Variants in HMGB4 observed in about 807,000 individuals in gnomAD.
HMGB4 encodes the protein high mobility group protein B4.
For missense variants in HMGB4, 217 were observed against 220.4 expected (o/e 0.98, Z 0.10); for synonymous variants, 82 against 84.9 (o/e 0.97, Z 0.19).
At chr1:33,861,802 C>T (rs575745245), upstream of HMGB4, among the ~76,000 whole-genome samples, 84 of 152,274 alleles carry the variant, frequency 5.5e-4, 1 homozygote, top group South Asian at 9.3e-3. Context: ...AATGCCTGTA[C>T]TGGAAGGAGA....
rs1245148865 is a variant in HMGB4 at position 33,864,493 on chromosome 1, T to C, written c.302T>C (p.Leu101Pro). ...QEPRRPPSSF[L>P]LFCQDHYAQL... ...CCCAGACGGCCTCCATCATCCTTCC[T>C]ACTCTTCTGCCAAGACCACTATGCT... The change falls in exon 1 of 1, where the codon CTA becomes CCA. Residue 101 changes from leucine to proline, a missense_variant. Physicochemically the swap from Leu to Pro is moderately conservative, Grantham distance 98. Coordinates refer to ENST00000681531, the MANE Select transcript of HMGB4 (RefSeq NM_001379301.1). 1.2e-6 allele frequency: 2 copies of C among 1,613,704 alleles called. No homozygotes were observed. The highest frequency in any genetic ancestry group is 2.2e-5 in the East Asian group (1 of 44,850).
upstream of HMGB4, chr1:33,860,610 C>G (rs1011071109): frequency 6.6e-6 from 1 of 152,158 alleles, no homozygotes; most frequent in African/African-American, 2.4e-5. Flanking sequence ...CCTATCATTT[C>G]AATTTGTTTA....
At chr1:33,862,088 C>A (rs1284177311), upstream of HMGB4, 2 of 152,210 alleles carry the variant, frequency 1.3e-5, no homozygotes, top group Non-Finnish European at 2.9e-5. Flanking sequence ...GGAAGGGCAA[C>A]TCTTAGATAC....
In HMGB4 at chr1:33,864,311, G is replaced by A. The variant is rs534711093; in HGVS notation, c.120G>A (p.Glu40=). 3 of 1,613,852 alleles carry A rather than the reference G, an allele frequency of 1.9e-6. No individual in the cohort carries two copies. In the African/African-American group the frequency reaches 4.0e-5, roughly 22 times the overall value. The change falls in exon 1 of 1, where the codon GAG becomes GAA. Residue 40 remains glutamate (E), a synonymous_variant. Coordinates refer to ENST00000681531, the MANE Select transcript of HMGB4 (RefSeq NM_001379301.1). ...CAAATACCTATGTTGGCTTTAAAGA[G>A]TTCTCTAGAAAGTGTTCGGAAAAAT... ...QQPNTYVGFK[E]FSRKCSEKWR...
At chr1:33,862,442 T>C (rs1639610757), upstream of HMGB4, 1 of 149,644 alleles carries the variant, frequency 6.7e-6, no homozygotes, top group Admixed American at 6.7e-5. Flanking sequence ...TTCATTAAAG[T>C]TCTTCCTCAT....
upstream of HMGB4, among the ~76,000 whole-genome samples, chr1:33,861,938 C>T (rs139610945): frequency 0.017 from 823 of 47,606 alleles, 6 homozygotes; most frequent in African/African-American, 0.14. Context: ...TTTCCTCCAT[C>T]TCTGATCTCC....
chr1:33,862,273 T>C (rs1639576296), upstream of HMGB4: 1 of 151,678 alleles, frequency 6.6e-6, no homozygotes, highest in South Asian at 2.1e-4. Context: ...TCCCGATAGC[T>C]ATTGTGGGTT....
At chr1:33,863,696 T>G (rs2125121408), upstream of HMGB4, 1 of 156,930 alleles carries the variant, frequency 6.4e-6, no homozygotes. Context: ...CCTCCCCATG[T>G]TCATTATGCT....
chr1:33,862,413 T>C (rs1457162044), upstream of HMGB4: 1 of 119,122 alleles, frequency 8.4e-6, no homozygotes, highest in Non-Finnish European at 1.8e-5. Flanking sequence ...CTGAGCAGAG[T>C]CTGATGAATA....
chr1:33,864,437 G>A lies in HMGB4; in HGVS notation c.246G>A (p.Arg82=), dbSNP rs1252270586. The change falls in exon 1 of 1, where the codon AGG becomes AGA. Residue 82 remains arginine (R), a synonymous_variant. Coordinates refer to ENST00000681531, the MANE Select transcript of HMGB4 (RefSeq NM_001379301.1). ...AAATGATGAATTATGTTGGCAAGAG[G>A]AAGAAACGGAGAAAGCGGGATCCCC... ...QEEMMNYVGK[R]KKRRKRDPQE... The A allele has an allele frequency of 3.7e-6, 6 of 1,613,542 alleles. No individual in the cohort carries two copies. The highest frequency in any genetic ancestry group is 1.6e-4 in the Middle Eastern group (1 of 6,082).
chr1:33,864,075 T>C, upstream of HMGB4: 2 of 965,222 alleles, frequency 2.1e-6, no homozygotes, highest in Non-Finnish European at 3.1e-6. Context: ...ACTACAGCTC[T>C]TGCAGACAGA....
In HMGB4 at chr1:33,864,753, T is replaced by C. The variant is rs1266001592; in HGVS notation, c.*1T>C. 6.3e-7 allele frequency: 1 copy of C among 1,595,736 alleles called. No individual in the cohort carries two copies. The highest frequency in any genetic ancestry group is 1.8e-5 in the Admixed American group (1 of 56,746). On this transcript the variant is annotated 3_prime_UTR_variant, in exon 1 of 1. Coordinates refer to ENST00000681531, the MANE Select transcript of HMGB4 (RefSeq NM_001379301.1). Reference sequence around the variant, plus strand: ...AGGGAAAAGAGTCAGGCAGAGCTGATGGATCCAGTTTGAAAAAACAAAATG... The same window carrying C: ...AGGGAAAAGAGTCAGGCAGAGCTGACGGATCCAGTTTGAAAAAACAAAATG...
In HMGB4 at chr1:33,864,285, C is replaced by A; in HGVS notation, c.94C>A (p.Pro32Thr). Residue 32 changes from proline (P) to threonine (T), a missense_variant, in exon 1 of 1, where the codon CCA becomes ACA. By Grantham distance (38) the Pro-to-Thr change is conservative. Coordinates refer to ENST00000681531, the MANE Select transcript of HMGB4 (RefSeq NM_001379301.1). ...CAGAAACAAATTCAAGGAGCAGCAG[C>A]CAAATACCTATGTTGGCTTTAAAGA... ...NYRNKFKEQQPNTYVGFKEFS... is the reference protein window; with the variant it reads ...NYRNKFKEQQTNTYVGFKEFS... 6.2e-7 allele frequency: 1 copy of A among 1,613,184 alleles called. No homozygotes were observed. Among genetic ancestry groups the A allele is most frequent in the Non-Finnish European group, 8.5e-7 (1 of 1,179,280 alleles).
chr1:33,864,084 G>GA lies in HMGB4; in HGVS notation c.-103dup. Reference sequence around the variant, plus strand: ...GCCCTGACTACAGCTCTTGCAGACAGAAAAATTCGCTGCAAGTACAGCACT... The same window carrying GA: ...GCCCTGACTACAGCTCTTGCAGACAGAAAAAATTCGCTGCAAGTACAGCACT... On this transcript the variant is annotated 5_prime_UTR_variant, in exon 1 of 1. Transcript: ENST00000681531. The GA allele has an allele frequency of 9.1e-7, 1 of 1,097,858 alleles. No homozygotes were observed. The highest frequency in any genetic ancestry group is 1.6e-5 in the African/African-American group (1 of 63,540). 68.0% of individuals were successfully genotyped at this position (1,097,858 alleles called of 1,614,324 possible).
In HMGB4 at chr1:33,864,397, C is replaced by A. The variant is rs1207186342; in HGVS notation, c.206C>A (p.Ala69Asp). 1 of 1,614,094 alleles carries A rather than the reference C, an allele frequency of 6.2e-7. No homozygotes were observed. Among genetic ancestry groups the A allele is most frequent in the Non-Finnish European group, 8.5e-7 (1 of 1,180,030 alleles). The change falls in exon 1 of 1, where the codon GCC becomes GAC. Residue 69 changes from alanine (A) to aspartate (D), a missense_variant. Transcript: ENST00000681531. ...GAAGCCCTGGCCAAACTCGACAAAGCCCGATACCAGGAAGAAATGATGAAT... is the reference window on the plus strand; with the variant it reads ...GAAGCCCTGGCCAAACTCGACAAAGACCGATACCAGGAAGAAATGATGAAT... ...KYEALAKLDK[A>D]RYQEEMMNYV...
At chr1:33,861,743 A>T (rs1202791628), upstream of HMGB4, among the ~76,000 whole-genome samples, 1 of 152,196 alleles carries the variant, frequency 6.6e-6, no homozygotes, top group African/African-American at 2.4e-5. Flanking sequence ...AGAGGCTCAT[A>T]AAAGTAGAGT....
chr1:33,862,998 C>T (rs1639662022), upstream of HMGB4: 1 of 152,198 alleles, frequency 6.6e-6, no homozygotes, highest in South Asian at 2.1e-4. Flanking sequence ...GCCCTGGCAA[C>T]AGCTCTGTGC....
chr1:33,862,139 C>T (rs1364201232), upstream of HMGB4: 1 of 152,170 alleles, frequency 6.6e-6, no homozygotes, highest in African/African-American at 2.4e-5. Context: ...ATTTATTTAC[C>T]TTTCCTAAGC....
rs751744398 is a variant in HMGB4, at chr1:33,864,615, T to C, written c.424T>C (p.Tyr142His). ...STATDLEKHP[Y>H]EQRVALLRAK... ...AGCGACAGACCTGGAGAAGCACCCT[T>C]ATGAGCAAAGAGTGGCTCTCCTGAG... Residue 142 changes from tyrosine to histidine, a missense_variant, in exon 1 of 1, where the codon TAT (tyrosine) becomes CAT (histidine). Transcript: ENST00000681531. 7 of 1,613,824 alleles carry C rather than the reference T, an allele frequency of 4.3e-6. No homozygotes were observed. The highest frequency in any genetic ancestry group is 8.5e-7 in the Non-Finnish European group (1 of 1,180,022).
Sources: allele counts gnomAD v4.1 joint callset (sites outside exome capture counted in the v4.1 genomes callset), GRCh38; gene constraint gnomAD v4.1.1; transcripts MANE v1.5; gene names NCBI Gene and HGNC (gene_info 2026-07-23, HGNC 2026-07-21).